Variants in OLFM3 observed in about 807,000 individuals in gnomAD.
OLFM3 encodes noelin-3.
Under a neutral mutation model 48.6 loss-of-function variants are expected in OLFM3, and 20 were observed. The ratio of observed to expected loss-of-function variants is 0.41; its 90% CI spans 0.29 to 0.60. The LOEUF (loss-of-function observed/expected upper bound fraction) is 0.60. Ranked by LOEUF, OLFM3 falls within the 20% of genes least tolerant of loss-of-function variation. The pLI is 0.28. For synonymous variants in OLFM3, 222 were observed against 198.1 expected (o/e 1.12, Z -1.01); for missense variants, 437 against 544.3 (o/e 0.80, Z 1.96).
intron 1 of OLFM3, among the ~76,000 whole-genome samples, chr1:101,924,365 G>A (rs1659196812): frequency 6.6e-6 from 1 of 152,142 alleles, no homozygotes; most frequent in Non-Finnish European, 1.5e-5. Context: ...AAGAATTCAA[G>A]TATATTACTT....
chr1:101,862,436 A>G (rs932166428), intron 1 of OLFM3, among the ~76,000 whole-genome samples: 1 of 152,228 alleles, frequency 6.6e-6, no homozygotes, highest in African/African-American at 2.4e-5. Flanking sequence ...CTTATCTTAT[A>G]AGCAATTGTT....
chr1:101,861,988 G>A (rs1317224972), intron 1 of OLFM3, among the ~76,000 whole-genome samples: 2 of 152,132 alleles, frequency 1.3e-5, no homozygotes, highest in African/African-American at 4.8e-5. Flanking sequence ...TAGGATTGGG[G>A]GAAAATGGTG....
intron 2 of OLFM3, among the ~76,000 whole-genome samples, chr1:101,832,281 A>G (rs1655197182): frequency 6.6e-6 from 1 of 152,236 alleles, no homozygotes; most frequent in Admixed American, 6.5e-5. Context: ...TTACAAAGGG[A>G]TGACTTGTTC....
At chr1:101,928,954 T>C in intron 1 of OLFM3, among the ~76,000 whole-genome samples, 1 of 152,072 alleles carries the variant, frequency 6.6e-6, no homozygotes, top group Non-Finnish European at 1.5e-5. Context: ...TATAATCCAT[T>C]GTTCTTACGG....
chr1:101,888,682 G>A (rs1268028233), intron 1 of OLFM3, among the ~76,000 whole-genome samples: 1 of 152,136 alleles, frequency 6.6e-6, no homozygotes, highest in Non-Finnish European at 1.5e-5. Flanking sequence ...CTTCTGCACA[G>A]CAAAAGAAAC....
intron 1 of OLFM3, among the ~76,000 whole-genome samples, chr1:101,906,440 T>C (rs1419788828): frequency 6.6e-6 from 1 of 152,164 alleles, no homozygotes; most frequent in African/African-American, 2.4e-5. Flanking sequence ...AGAAATAATT[T>C]ATTTTAATGC....
At chr1:101,912,222 T>C (rs1658783890) in intron 1 of OLFM3, among the ~76,000 whole-genome samples, 1 of 152,182 alleles carries the variant, frequency 6.6e-6, no homozygotes, top group Non-Finnish European at 1.5e-5. Flanking sequence ...TCTTTTGGAA[T>C]ACCTGTGGGA....
intron 1 of OLFM3, among the ~76,000 whole-genome samples, chr1:101,956,872 T>A (rs75665592): frequency 8.6e-5 from 13 of 151,876 alleles, no homozygotes; most frequent in African/African-American, 1.7e-4. Flanking sequence ...TAACTCTGTG[T>A]CCATATATTA....
At chr1:101,842,999 G>T (rs1243861519) in intron 1 of OLFM3, among the ~76,000 whole-genome samples, 1 of 152,164 alleles carries the variant, frequency 6.6e-6, no homozygotes, top group East Asian at 1.9e-4. Context: ...AGAGTTTAGG[G>T]AAGGAAAACA....
rs187438760 is a variant in OLFM3, at chr1:101,845,147, C to A, written c.70-8122G>T. ...TACATTTTCTGCTTTTGTTCTTCTT[C>A]TTATTATTATTTTCTTCTTCTTATT... On this transcript the variant is annotated intron_variant, in intron 1 of 5. Coordinates refer to ENST00000370103, the MANE Select transcript of OLFM3 (RefSeq NM_058170.4). Among the ~76,000 whole-genome samples the A allele has an allele frequency of 9.1e-4, 138 of 151,888 alleles. 1 individual carries two copies. Among genetic ancestry groups the A allele is most frequent in the Middle Eastern group, 3.4e-3 (1 of 294 alleles).
At chr1:101,816,794 TAAAC>T (rs1314067140) in intron 4 of OLFM3, among the ~76,000 whole-genome samples, 1 of 152,152 alleles carries the variant, frequency 6.6e-6, no homozygotes, top group African/African-American at 2.4e-5. Flanking sequence ...TGTGGTCAAA[TAAAC>T]ACCATCAGCG....
At chr1:101,953,793 A>G (rs568285329) in intron 1 of OLFM3, among the ~76,000 whole-genome samples, 1 of 152,270 alleles carries the variant, frequency 6.6e-6, no homozygotes, top group South Asian at 2.1e-4. Flanking sequence ...CCCAGCAGGT[A>G]CTGTGACCCA....
chr1:101,922,405 A>T (rs997379906), intron 1 of OLFM3, among the ~76,000 whole-genome samples: 5 of 152,186 alleles, frequency 3.3e-5, no homozygotes, highest in Admixed American at 6.5e-5. Context: ...ATACAGGCCC[A>T]TACATACAGC....
Position 101,836,815 on chromosome 1 carries a change from T to C in OLFM3, c.216+64A>G, listed in dbSNP as rs1158840603. On this transcript the variant is annotated intron_variant, in intron 2 of 5. Coordinates refer to ENST00000370103, the MANE Select transcript of OLFM3 (RefSeq NM_058170.4). ...CTCTTCATTATTATCGGCTCTACCA[T>C]ATTTCCTTTTGAAAGAATGGTCGAT... is the stretch of plus-strand genomic sequence containing the variant. 2.7e-6 allele frequency: 4 copies of C among 1,497,288 alleles called. No individual in the cohort carries two copies. The African/African-American group carries it at 4.1e-5, about 15-fold the overall frequency. 92.8% of individuals were successfully genotyped at this position (1,497,288 alleles called of 1,614,324 possible).
At chr1:101,942,621 G>GT (rs1659829782) in intron 1 of OLFM3, among the ~76,000 whole-genome samples, 2 of 152,120 alleles carry the variant, frequency 1.3e-5, no homozygotes, top group Admixed American at 6.5e-5. Context: ...ACCTGCTAAG[G>GT]TTTTTTCAAT....
At chr1:101,944,255 G>T (rs1357596520) in intron 1 of OLFM3, among the ~76,000 whole-genome samples, 3 of 151,970 alleles carry the variant, frequency 2.0e-5, no homozygotes, top group Non-Finnish European at 4.4e-5. Context: ...TTTACATTAA[G>T]GTCAAGTTAC....
At chr1:101,850,787 C>T (rs1656192023) in intron 1 of OLFM3, among the ~76,000 whole-genome samples, 1 of 152,042 alleles carries the variant, frequency 6.6e-6, no homozygotes, top group African/African-American at 2.4e-5. Flanking sequence ...AAATAGTGTA[C>T]TCATACTTTA....
At chr1:101,957,505 A>G (rs1387388422) in intron 1 of OLFM3, among the ~76,000 whole-genome samples, 1 of 152,076 alleles carries the variant, frequency 6.6e-6, no homozygotes, top group Non-Finnish European at 1.5e-5. Context: ...AAGGGACACA[A>G]CACAATTTTC....
chr1:101,994,885 C>T (rs914656095), intron 1 of OLFM3, among the ~76,000 whole-genome samples: 2 of 151,810 alleles, frequency 1.3e-5, no homozygotes, highest in Non-Finnish European at 2.9e-5. Context: ...AGCAAATATC[C>T]ACAGCTCATT....
Sources: gnomAD v4.1 joint callset for allele counts (sites outside exome capture counted in the v4.1 genomes callset) on GRCh38, gnomAD v4.1.1 for gene constraint, MANE v1.5 for transcripts, NCBI Gene and HGNC (gene_info 2026-07-23, HGNC 2026-07-21) for gene names.